Variants in MMP26 observed in about 807,000 individuals in gnomAD.
The protein encoded by MMP26 is matrix metallopeptidase 26, also known as matrix metalloproteinase-26.
In MMP26, 33 loss-of-function variants were observed where a neutral mutation model predicts 31.0. The observed-to-expected ratio is 1.06, with a 90% CI of 0.81 to 1.42. The LOEUF is 1.42. Ranked by LOEUF, MMP26 falls within the 40% of genes most tolerant of loss-of-function variation. The pLI is 0.00. For synonymous variants in MMP26, 122 were observed against 114.9 expected (o/e 1.06, Z -0.40); for missense variants, 347 against 316.1 (o/e 1.10, Z -0.74).
chr11:4,723,110 G>T, intron 1 of MMP26: 1 of 1,550,450 alleles, frequency 6.4e-7, no homozygotes, highest in Non-Finnish European at 8.9e-7. Flanking sequence ...CCGCTGCAGG[G>T]CGGCCTCCAG....
In MMP26 at chr11:4,952,551, C is replaced by T. The variant is rs573178399; in HGVS notation, c.-144-35517C>T. Among the ~76,000 whole-genome samples, 7 of 125,380 alleles carry T rather than the reference C, an allele frequency of 5.6e-5. 2 individuals carry two copies. The highest frequency in any genetic ancestry group is 1.9e-4 in the African/African-American group (7 of 37,010). 82.3% of individuals were successfully genotyped at this position (125,380 alleles called of 152,430 possible). The stretch of plus-strand genomic sequence containing the variant: ...TGATCTGATAATAGGATTTCCTATA[C>T]TAGGACAGGTTTGTGAAAACATATG... On this transcript the variant is annotated intron_variant, in intron 2 of 7. Coordinates refer to ENST00000380390, the MANE Select transcript of MMP26 (RefSeq NM_021801.5).
chr11:4,734,271 T>G (rs1324162145), intron 1 of MMP26, among the ~76,000 whole-genome samples: 1 of 152,198 alleles, frequency 6.6e-6, no homozygotes, highest in Non-Finnish European at 1.5e-5. Context: ...AATTTGCCAC[T>G]GAATCATCTA....
At chr11:4,815,757 G>T (rs1849412191) in intron 2 of MMP26, among the ~76,000 whole-genome samples, 1 of 152,058 alleles carries the variant, frequency 6.6e-6, no homozygotes, top group South Asian at 2.1e-4. Flanking sequence ...ATAATCCCAG[G>T]AATACAACAA....
chr11:4,822,006 G>T, intron 2 of MMP26: 1 of 1,614,028 alleles, frequency 6.2e-7, no homozygotes, highest in Non-Finnish European at 8.5e-7. Context: ...CAGACAATAG[G>T]ATCAACAGCA....
chr11:4,837,994 GA>G (rs1849741535), intron 2 of MMP26, among the ~76,000 whole-genome samples: 3 of 151,782 alleles, frequency 2.0e-5, no homozygotes, highest in South Asian at 2.1e-4. Flanking sequence ...GTATATGCAA[GA>G]AAAAGGCATT....
intron 2 of MMP26, chr11:4,882,722 T>G: frequency 6.2e-7 from 1 of 1,613,982 alleles, no homozygotes. Flanking sequence ...AAGGGTGCTC[T>G]GTAGCACTTT....
intron 2 of MMP26, chr11:4,803,914 A>T (rs1402688870): frequency 5.6e-6 from 9 of 1,613,110 alleles, no homozygotes; most frequent in Non-Finnish European, 7.6e-6. Flanking sequence ...CACCCACAGC[A>T]GCCCTCTCAG....
At chr11:4,815,686 A>G (rs1849411297) in intron 2 of MMP26, among the ~76,000 whole-genome samples, 1 of 152,222 alleles carries the variant, frequency 6.6e-6, no homozygotes, top group Non-Finnish European at 1.5e-5. Flanking sequence ...ATTGGTATAC[A>G]GTAAAGTTCA....
chr11:4,934,979 C>G (rs1342916859), intron 2 of MMP26, among the ~76,000 whole-genome samples: 2 of 151,648 alleles, frequency 1.3e-5, no homozygotes, highest in Non-Finnish European at 2.9e-5. Flanking sequence ...GTTACTGTAG[C>G]CTTGTAGTAT....
At chr11:4,911,453 G>C (rs1040037802) in intron 2 of MMP26, among the ~76,000 whole-genome samples, 1 of 152,120 alleles carries the variant, frequency 6.6e-6, no homozygotes, top group Non-Finnish European at 1.5e-5. Context: ...AAATTGATCA[G>C]TGAGTGTTGA....
chr11:4,845,239 G>A (rs1003238948), intron 2 of MMP26, among the ~76,000 whole-genome samples: 4 of 151,880 alleles, frequency 2.6e-5, no homozygotes, highest in African/African-American at 7.2e-5. Flanking sequence ...TATAAAACAC[G>A]GATGAAAGAA....
chr11:4,715,313 G>A (rs1249063113), intron 1 of MMP26, among the ~76,000 whole-genome samples: 1 of 141,434 alleles, frequency 7.1e-6, no homozygotes, highest in Non-Finnish European at 1.5e-5. Context: ...TCATCAAGCT[G>A]TTATCAAATA....
At chr11:4,803,025 G>A (rs1275644429) in intron 2 of MMP26, among the ~76,000 whole-genome samples, 3 of 152,140 alleles carry the variant, frequency 2.0e-5, no homozygotes, top group Non-Finnish European at 4.4e-5. Context: ...CTCAGATGAA[G>A]AAATATATGT....
chr11:4,888,650 A>G (rs1308291250), intron 2 of MMP26, among the ~76,000 whole-genome samples: 1 of 152,124 alleles, frequency 6.6e-6, no homozygotes, highest in Non-Finnish European at 1.5e-5. Context: ...ATAGAAAAAA[A>G]TTTGGTTTTT....
At chr11:4,830,324 C>T (rs751109465) in intron 2 of MMP26, 2 of 151,972 alleles carry the variant, frequency 1.3e-5, no homozygotes, top group Non-Finnish European at 2.9e-5. Flanking sequence ...AGAGATCAAC[C>T]CTATGTCTTT....
chr11:4,882,870 G>C (rs916396146), intron 2 of MMP26: 35 of 1,612,124 alleles, frequency 2.2e-5, no homozygotes, highest in Middle Eastern at 1.6e-4. Context: ...GGTCTTAGGG[G>C]AAGATGGGAT....
At position 4,955,438 on chromosome 11, in the gene MMP26, A is replaced by C. The variant is rs115141243; in HGVS notation, c.-144-32630A>C. ...CAAAGCAGGCACTAGAAGAAGTTTC[A>C]GGGGCATTGAACAGGAAGATGCTTA... On this transcript the variant is annotated intron_variant, in intron 2 of 7. Transcript: ENST00000380390. The C allele has an allele frequency of 2.9e-3, 3,375 of 1,179,660 alleles. 991 individuals carry two copies. The African/African-American group carries it at 0.051, about 18-fold the overall frequency. The allele number at this position is 1,179,660 out of a possible 1,614,324, so 73.1% of individuals were successfully genotyped here.
At chr11:4,781,253 A>C (rs2898965) in intron 2 of MMP26, among the ~76,000 whole-genome samples, 14,384 of 152,138 alleles carry the variant, frequency 0.095, 854 homozygotes, top group Middle Eastern at 0.15. Flanking sequence ...AAAAGGGTTA[A>C]TTATTGTATG....
intron 2 of MMP26, among the ~76,000 whole-genome samples, chr11:4,901,769 A>T (rs899160657): frequency 8.5e-5 from 13 of 152,256 alleles, no homozygotes; most frequent in African/African-American, 3.1e-4. Flanking sequence ...CCACCTAAAG[A>T]GCACTGTGTT....
Sources: allele counts gnomAD v4.1 joint callset (sites outside exome capture counted in the v4.1 genomes callset), GRCh38; gene constraint gnomAD v4.1.1; transcripts MANE v1.5; gene names NCBI Gene and HGNC (gene_info 2026-07-23, HGNC 2026-07-21).